CA10: variants seen among roughly 807,000 people sequenced by gnomAD.
CA10 encodes the protein carbonic anhydrase 10 (inactive).
In CA10, 14 loss-of-function variants were observed where a neutral mutation model predicts 44.2. The ratio of observed to expected loss-of-function variants is 0.32; its 90% confidence interval spans 0.21 to 0.50. The LOEUF (loss-of-function observed/expected upper bound fraction) is 0.50, where lower values mean the gene tolerates loss of function less well. CA10 is among the 20% of genes least tolerant of loss of function. The probability of loss-of-function intolerance (pLI) is 0.99; values close to 1 mark genes in which losing one functional copy is unlikely to be tolerated. For missense variants in CA10, 350 were observed against 409.7 expected, an observed-to-expected ratio of 0.85 and a Z score of 1.26; for synonymous variants, 159 against 141.6, an observed-to-expected ratio of 1.12 and a Z score of -0.87.
In CA10 at chr17:51,726,056, G is replaced by T. The variant is rs181942750; in HGVS notation, c.465+21577C>A. On this transcript the variant is annotated intron_variant, in intron 4 of 8. Coordinates refer to ENST00000451037, the MANE Select transcript of CA10 (RefSeq NM_020178.5). ...CATAGCTCAGGTGCACATTTAAACT[G>T]AATCTTGAAAGAGAAGTAGGATTTG... Among the ~76,000 whole-genome samples the T allele has an allele frequency of 1.8e-3, 270 of 152,312 alleles. 1 individual carries two copies. The highest frequency in any genetic ancestry group is 6.1e-3 in the African/African-American group (255 of 41,546).
chr17:52,139,408 G>A (rs931229253), intron 1 of CA10, among the ~76,000 whole-genome samples: 1 of 150,764 alleles, frequency 6.6e-6, no homozygotes, highest in African/African-American at 2.4e-5. Context: ...TCTAGAACTT[G>A]CTCACATATG....
chr17:51,651,375 T>C lies in CA10; in HGVS notation c.562-2121A>G, dbSNP rs112075361. Among the ~76,000 whole-genome samples the C allele has an allele frequency of 5.5e-3, 833 of 152,120 alleles. 5 individuals are homozygous for C. The highest frequency in any genetic ancestry group is 0.019 in the African/African-American group (780 of 41,494). The stretch of plus-strand genomic sequence containing the variant: ...ACAGCTTAAATAACTCATGGTGGAG[T>C]TGATTTTCTGGGAGTTGATTATATG... On this transcript the variant is annotated intron_variant, in intron 5 of 8. Transcript: ENST00000451037.
At chr17:51,925,460 T>C (rs914711257) in intron 3 of CA10, among the ~76,000 whole-genome samples, 2 of 150,938 alleles carry the variant, frequency 1.3e-5, no homozygotes, top group African/African-American at 2.4e-5. Context: ...TCTGTGAGGA[T>C]ATGGAAAGAT....
At chr17:52,014,923 G>C (rs1004906106) in intron 2 of CA10, among the ~76,000 whole-genome samples, 22 of 151,996 alleles carry the variant, frequency 1.4e-4, no homozygotes, top group Non-Finnish European at 4.4e-5. Context: ...GAAAATGGAT[G>C]AATAATTGTG....
At chr17:51,794,034 C>T (rs902858320) in intron 3 of CA10, among the ~76,000 whole-genome samples, 3 of 152,148 alleles carry the variant, frequency 2.0e-5, no homozygotes, top group Non-Finnish European at 4.4e-5. Flanking sequence ...GGTAGGTGTT[C>T]GGAAAAAAGC....
chr17:51,721,503 A>C (rs923869777), intron 4 of CA10, among the ~76,000 whole-genome samples: 5 of 151,422 alleles, frequency 3.3e-5, no homozygotes, highest in African/African-American at 7.3e-5. Flanking sequence ...CACCTAGCTA[A>C]TTTTTCTATT....
chr17:52,062,958 A>G (rs1358060379), intron 2 of CA10, among the ~76,000 whole-genome samples: 2 of 152,238 alleles, frequency 1.3e-5, no homozygotes, highest in Non-Finnish European at 2.9e-5. Flanking sequence ...TTAGATTCCA[A>G]ACTGTAAAAG....
At chr17:51,694,576 G>T (rs527618998) in intron 4 of CA10, among the ~76,000 whole-genome samples, 1 of 147,508 alleles carries the variant, frequency 6.8e-6, no homozygotes, top group Admixed American at 6.8e-5. Flanking sequence ...TGCATAGTTT[G>T]TGAATATTTT....
intron 3 of CA10, among the ~76,000 whole-genome samples, chr17:51,826,269 T>C (rs1211511955): frequency 6.6e-6 from 1 of 152,252 alleles, no homozygotes; most frequent in Admixed American, 6.5e-5. Context: ...ATGACCCTTC[T>C]GGGACACCGT....
At chr17:51,817,997 T>A (rs1352238343) in intron 3 of CA10, among the ~76,000 whole-genome samples, 1 of 152,254 alleles carries the variant, frequency 6.6e-6, no homozygotes, top group Non-Finnish European at 1.5e-5. Context: ...TCATTTTCAC[T>A]GCTGTTAGTA....
intron 2 of CA10, among the ~76,000 whole-genome samples, chr17:52,052,299 TAAAAAA>T (rs149731635): frequency 0.021 from 3,019 of 145,114 alleles, 71 homozygotes; most frequent in African/African-American, 0.054. Flanking sequence ...CTTTTTTTTT[TAAAAAA>T]AAAAAAAAAA....
At chr17:51,754,492 T>C (rs1452796956) in intron 3 of CA10, among the ~76,000 whole-genome samples, 2 of 147,142 alleles carry the variant, frequency 1.4e-5, no homozygotes, top group African/African-American at 5.0e-5. Flanking sequence ...CATCTAATTA[T>C]GGACATTGGC....
At chr17:51,931,739 T>C (rs1982669443) in intron 2 of CA10, among the ~76,000 whole-genome samples, 1 of 152,126 alleles carries the variant, frequency 6.6e-6, no homozygotes, top group South Asian at 2.1e-4. Flanking sequence ...AAAGAATTGG[T>C]GTTCATTTGA....
intron 3 of CA10, among the ~76,000 whole-genome samples, chr17:51,834,757 A>G (rs2143792587): frequency 6.6e-6 from 1 of 152,346 alleles, no homozygotes; most frequent in East Asian, 1.9e-4. Flanking sequence ...TGAGCTCCAG[A>G]TTCCTCAACT....
chr17:52,078,659 G>A (rs1038489109), intron 1 of CA10, among the ~76,000 whole-genome samples: 8 of 152,194 alleles, frequency 5.3e-5, no homozygotes, highest in Non-Finnish European at 5.9e-5. Context: ...AACATTGGAT[G>A]CATATCCATG....
chr17:51,976,602 AG>A lies in CA10; in HGVS notation c.137-45471del, dbSNP rs1002482081. Among the ~76,000 whole-genome samples the A allele has an allele frequency of 1.3e-4, 9 of 67,204 alleles. No individual in the cohort carries two copies. The South Asian group carries it at 5.4e-3, about 40-fold the overall frequency. 44.1% of individuals were successfully genotyped at this position (67,204 alleles called of 152,430 possible). A position where few individuals can be genotyped will look rare whatever the true frequency, so the allele number is the denominator to read the frequency against. ...AAAATTTGTAGAATGCAGTTAAAGC[AG>A]TTCGTCTGGGGGAAATTTATAGTGT... On this transcript the variant is annotated intron_variant, in intron 2 of 8. Transcript: ENST00000451037.
At chr17:51,647,300 C>T (rs1167641241) in intron 6 of CA10, among the ~76,000 whole-genome samples, 1 of 152,168 alleles carries the variant, frequency 6.6e-6, no homozygotes, top group Non-Finnish European at 1.5e-5. Context: ...TCGTCTTAGG[C>T]ACTGAGACGA....
At chr17:52,081,068 A>G (rs1987962455) in intron 1 of CA10, among the ~76,000 whole-genome samples, 1 of 152,190 alleles carries the variant, frequency 6.6e-6, no homozygotes, top group Non-Finnish European at 1.5e-5. Flanking sequence ...ACCCACAATC[A>G]CTTTTGTGTA....
intron 3 of CA10, among the ~76,000 whole-genome samples, chr17:51,791,450 G>A (rs540014253): frequency 1.3e-5 from 2 of 152,314 alleles, no homozygotes; most frequent in South Asian, 2.1e-4. Context: ...TTCAACTAAT[G>A]TTTGTTAAAT....
Sources: gnomAD v4.1 joint callset for allele counts (sites outside exome capture counted in the v4.1 genomes callset) on GRCh38, gnomAD v4.1.1 for gene constraint, MANE v1.5 for transcripts, NCBI Gene and HGNC (gene_info 2026-07-23, HGNC 2026-07-21) for gene names.